The following ECHDC2 variants were observed in gnomAD, a reference collection of about 807,000 sequenced individuals.
ECHDC2 encodes the protein enoyl-CoA hydratase domain-containing protein 2, mitochondrial.
ECHDC2 carries 34 observed loss-of-function variants against 40.6 expected under a neutral mutation model. The ratio of observed to expected loss-of-function variants is 0.84; its 90% CI spans 0.64 to 1.11. ECHDC2 has a LOEUF of 1.11. Ranked by LOEUF, ECHDC2 falls within the 50% of genes most tolerant of loss-of-function variation. The pLI, the probability that ECHDC2 is intolerant of heterozygous loss-of-function variation, is 0.00. For missense variants in ECHDC2, 392 were observed against 400.7 expected (o/e 0.98, Z 0.19); for synonymous variants, 162 against 166.6 (o/e 0.97, Z 0.21).
At chr1:52,903,206 G>A (rs1647099875) in intron 7 of ECHDC2, among the ~76,000 whole-genome samples, 1 of 152,120 alleles carries the variant, frequency 6.6e-6, no homozygotes, top group Non-Finnish European at 1.5e-5. Context: ...GCTCCCTACT[G>A]AGCATGGTAC....
Position 52,911,562 on chromosome 1 carries a change from C to T in ECHDC2, c.277+4G>A. On this transcript the variant is annotated splice_donor_region_variant and intron_variant, in intron 3 of 9. Coordinates refer to ENST00000371522, the MANE Select transcript of ECHDC2 (RefSeq NM_001198961.2). ...CACAGATGGGGGCAGGAGAGAGAAC[C>T]TACCTGCACAGAACACGCCCTTCAC... 1 of 1,612,948 alleles carries T rather than the reference C, an allele frequency of 6.2e-7. No homozygotes were observed.
intron 8 of ECHDC2, 77 bp downstream of exon 8, chr1:52,899,097 G>C: frequency 6.9e-7 from 1 of 1,453,746 alleles, no homozygotes; most frequent in Admixed American, 1.7e-5. Flanking sequence ...CAGCTGTGCT[G>C]TCTGAGCTCT....
rs869088329 is a variant in ECHDC2, at chr1:52,910,352, G to GTTTTTTTTTTTTTTTTT, written c.277+1197_277+1213dup. Among the ~76,000 whole-genome samples the GTTTTTTTTTTTTTTTTT allele has an allele frequency of 2.2e-4, 7 of 32,102 alleles. 2 individuals carry two copies. Among genetic ancestry groups the GTTTTTTTTTTTTTTTTT allele is most frequent in the African/African-American group, 2.2e-4 (2 of 9,234 alleles). 21.1% of individuals were successfully genotyped at this position (32,102 alleles called of 152,430 possible). On this transcript the variant is annotated intron_variant, in intron 3 of 9. Transcript: ENST00000371522. ...GTTACTTATATTTCACCACAATTTC[G>GTTTTTTTTTTTTTTTTT]TTTTTTTTTTTTTTTTTTTTTTTTT...
chr1:52,899,323 C>T, intron 7 of ECHDC2, 99 bp from the exon 8 acceptor site: 1 of 1,141,760 alleles, frequency 8.8e-7, no homozygotes, highest in South Asian at 1.4e-5. Context: ...AGGCAGATGT[C>T]TGGGTCTGGT....
At chr1:52,910,352 G>GTATTTTTTTT (rs1649102347) in intron 3 of ECHDC2, among the ~76,000 whole-genome samples, 1 of 32,062 alleles carries the variant, frequency 3.1e-5, no homozygotes. Context: ...CCACAATTTC[G>GTATTTTTTTT]TTTTTTTTTT....
chr1:52,900,357 A>G (rs1308729508), intron 7 of ECHDC2: 1 of 152,236 alleles, frequency 6.6e-6, no homozygotes, highest in Non-Finnish European at 1.5e-5. Flanking sequence ...TGCCTTTATA[A>G]AACAAAACCA....
rs778549512 is a variant in ECHDC2 at position 52,896,591 on chromosome 1, G to C, written c.808C>G (p.Pro270Ala). 15 of 1,613,728 alleles carry C rather than the reference G, an allele frequency of 9.3e-6. No homozygotes were observed. In the South Asian group the frequency reaches 1.5e-4, roughly 17 times the overall value. ...ATGCCCTCTAGCCGGTCCCGGGTTG[G>C]AATATTCTGCAACAAGGTACAAAAT... is the stretch of plus-strand genomic sequence containing the variant. The part of the protein sequence containing the change: ...IEGMCYAQNI[P>A]TRDRLEGMAA... The change falls in exon 10 of 10, where the codon CCA becomes GCA. Residue 270 changes from proline (P) to alanine (A), a missense_variant. By Grantham distance (27) the Pro-to-Ala change is conservative. Coordinates refer to ENST00000371522, the MANE Select transcript of ECHDC2 (RefSeq NM_001198961.2).
In ECHDC2 at chr1:52,914,812, G is replaced by A. The variant is rs1045006945; in HGVS notation, c.122-3022C>T. On this transcript the variant is annotated intron_variant, in intron 1 of 9. Coordinates refer to ENST00000371522, the MANE Select transcript of ECHDC2 (RefSeq NM_001198961.2). The surrounding 1 kb of genome is among the most constrained non-coding windows in gnomAD (Gnocchi z 4.0). Reference sequence around the variant, plus strand: ...GATCTCAGGCCTCTCAGCTCACACCGCTTCTCACAGCCATTAATCTGGCAT... The same window carrying A: ...GATCTCAGGCCTCTCAGCTCACACCACTTCTCACAGCCATTAATCTGGCAT... Among the ~76,000 whole-genome samples, 1 of 151,934 alleles carries A rather than the reference G, an allele frequency of 6.6e-6. No homozygotes were observed. The highest frequency in any genetic ancestry group is 1.5e-5 in the Non-Finnish European group (1 of 68,000).
At chr1:52,917,617 T>C in intron 1 of ECHDC2, 1 of 455,984 alleles carries the variant, frequency 2.2e-6, no homozygotes, top group Non-Finnish European at 4.4e-6. Flanking sequence ...AGTGCCCAGC[T>C]AAGGAGTTGA....
At chr1:52,902,367 G>A (rs1647043744) in intron 7 of ECHDC2, among the ~76,000 whole-genome samples, 1 of 152,098 alleles carries the variant, frequency 6.6e-6, no homozygotes, top group Non-Finnish European at 1.5e-5. Context: ...ATGTTGGCCA[G>A]GCTGGTCTCA....
At chr1:52,920,545 C>T in intron 1 of ECHDC2, 2 of 1,466,316 alleles carry the variant, frequency 1.4e-6, no homozygotes, top group South Asian at 1.2e-5. Context: ...TGGAAGGCCA[C>T]GGGGAAGGGG....
In ECHDC2 at chr1:52,921,519, C is replaced by T. The variant is rs375540765; in HGVS notation, c.121+34G>A. ...CCGCTGCCTCCGGCCTAGTCCCAGT[C>T]GCGTCATGCGCCGCCCCGGAACTGC... On this transcript the variant is annotated intron_variant, in intron 1 of 9. Transcript: ENST00000371522. 7 of 1,595,426 alleles carry T rather than the reference C, an allele frequency of 4.4e-6. No individual in the cohort carries two copies. The East Asian group carries it at 1.1e-4, about 26-fold the overall frequency.
chr1:52,919,017 G>C (rs1651336028), intron 1 of ECHDC2, among the ~76,000 whole-genome samples: 1 of 152,160 alleles, frequency 6.6e-6, no homozygotes, highest in Non-Finnish European at 1.5e-5. Flanking sequence ...GAATCTCATA[G>C]GAGTGCGAAC....
In ECHDC2 at chr1:52,905,054, C is replaced by T. The variant is rs377473390; in HGVS notation, c.494G>A (p.Arg165Gln). The T allele has an allele frequency of 2.6e-5, 42 of 1,614,032 alleles. No homozygotes were observed. The highest frequency in any genetic ancestry group is 1.6e-4 in the Middle Eastern group (1 of 6,070). Residue 165 changes from arginine (R) to glutamine (Q), a missense_variant, in exon 6 of 10, where the codon CGA (arginine) becomes CAA (glutamine). Physicochemically the swap from Arg to Gln is conservative, Grantham distance 43. Coordinates refer to ENST00000371522, the MANE Select transcript of ECHDC2 (RefSeq NM_001198961.2). Reference protein sequence around the residue: ...SAVMGLIETTRGLLPGAGGTQ... With the variant: ...SAVMGLIETTQGLLPGAGGTQ... ...ATTACCTGCCCCCGGGAGGAGCCCT[C>T]GCGTGGTCTCAATCAGTCCCATGAC...
At chr1:52,899,108 G>A (rs569145838) in intron 8 of ECHDC2, 66 bp downstream of exon 8, 2 of 1,533,506 alleles carry the variant, frequency 1.3e-6, no homozygotes, top group South Asian at 2.2e-5. Flanking sequence ...TCTGAGCTCT[G>A]AAAGCACTGT....
At chr1:52,899,061 G>C (rs1646818194) in intron 8 of ECHDC2, 113 bp downstream of exon 8, 1 of 1,068,432 alleles carries the variant, frequency 9.4e-7, no homozygotes, top group Non-Finnish European at 1.4e-6. Flanking sequence ...AAGTCTGTTA[G>C]AAGAGTCCAC....
In ECHDC2 at chr1:52,903,974, C is replaced by T. The variant is rs546441831; in HGVS notation, c.702+672G>A. On this transcript the variant is annotated intron_variant, in intron 7 of 9. Transcript: ENST00000371522. ...CTGGGATTACAGGTGCGTGCCTCCACACCCAGCTAATTTTTGTATTTTTAG... is the reference window on the plus strand; with the variant it reads ...CTGGGATTACAGGTGCGTGCCTCCATACCCAGCTAATTTTTGTATTTTTAG... 6.4e-4 allele frequency among the ~76,000 whole-genome samples: 97 copies of T among 152,118 alleles called. 1 individual carries two copies. The highest frequency in any genetic ancestry group is 2.1e-3 in the African/African-American group (89 of 41,492).
rs771664696 is a variant in ECHDC2, at chr1:52,911,628, C to T, written c.215G>A (p.Arg72Gln). 5.6e-6 allele frequency: 9 copies of T among 1,614,038 alleles called. No individual in the cohort carries two copies. The highest frequency in any genetic ancestry group is 3.3e-5 in the South Asian group (3 of 91,084). Residue 72 changes from arginine (R) to glutamine (Q), a missense_variant, in exon 3 of 10, where the codon CGG becomes CAG. By Grantham distance (43) the Arg-to-Gln change is conservative. Transcript: ENST00000371522. Reference protein sequence around the residue: ...SELLETLAQLREDRQVRVLLF... With the variant: ...SELLETLAQLQEDRQVRVLLF... ...CAGGACACGCACTTGCCGGTCCTCC[C>T]GCAGCTGGGCCAGAGTTTCCAGCAG...
chr1:52,896,760 T>C (rs1467645102), intron 9 of ECHDC2, 163 bp from the exon 10 acceptor site: 3 of 612,764 alleles, frequency 4.9e-6, no homozygotes, highest in Non-Finnish European at 8.6e-6. Flanking sequence ...CCGTGGCTGC[T>C]TTGTCTCCTG....
Sources: allele counts gnomAD v4.1 joint callset (sites outside exome capture counted in the v4.1 genomes callset), GRCh38; gene constraint gnomAD v4.1.1; non-coding constraint Gnocchi (gnomAD v3.1); transcripts MANE v1.5; gene names NCBI Gene and HGNC (gene_info 2026-07-23, HGNC 2026-07-21).